Variants in FMNL2 observed in about 807,000 individuals in gnomAD.
The protein encoded by FMNL2 is formin-like protein 2.
Under a neutral mutation model 130.2 loss-of-function variants are expected in FMNL2, and 51 were observed. The ratio of observed to expected loss-of-function variants is 0.39; its 90% CI spans 0.31 to 0.49. The LOEUF (loss-of-function observed/expected upper bound fraction) is 0.49. FMNL2 is among the 20% of genes least tolerant of loss of function. The pLI, the probability that FMNL2 is intolerant of heterozygous loss-of-function variation, is 0.85. For synonymous variants in FMNL2, 465 were observed against 467.1 expected, an observed-to-expected ratio of 1.00 and a Z score of 0.06; for missense variants, 977 against 1,316.2, an observed-to-expected ratio of 0.74 and a Z score of 3.99.
intron 1 of FMNL2, among the ~76,000 whole-genome samples, chr2:152,385,549 G>A (rs1048894421): frequency 6.6e-6 from 1 of 152,328 alleles, no homozygotes; most frequent in Admixed American, 6.5e-5. Context: ...TCGACCAGAT[G>A]GTCATATAAT....
chr2:152,347,085 C>T (rs1209463232), intron 1 of FMNL2, among the ~76,000 whole-genome samples: 8 of 93,152 alleles, frequency 8.6e-5, no homozygotes, highest in East Asian at 3.3e-4. Flanking sequence ...GGCGATATTC[C>T]GTCTCAAAAA....
At chr2:152,443,767 C>T (rs980575450) in intron 1 of FMNL2, among the ~76,000 whole-genome samples, 2 of 151,966 alleles carry the variant, frequency 1.3e-5, no homozygotes, top group Admixed American at 6.6e-5. Context: ...TGCTTGAACC[C>T]GGGAGGCAGA....
At chr2:152,587,070 A>G (rs1403291401) in intron 9 of FMNL2, among the ~76,000 whole-genome samples, 5 of 152,180 alleles carry the variant, frequency 3.3e-5, no homozygotes, top group Non-Finnish European at 4.4e-5. Flanking sequence ...TCAACCAGAG[A>G]GCCTCCATGT....
Position 152,604,941 on chromosome 2 carries a change from C to T in FMNL2, c.877-2398C>T, listed in dbSNP as rs147554415. Among the ~76,000 whole-genome samples the T allele has an allele frequency of 1.5e-4, 21 of 142,146 alleles. No homozygotes were observed. In the East Asian group the frequency reaches 4.2e-3, roughly 28 times the overall value. The allele number at this position is 142,146 out of a possible 152,430, so 93.3% of individuals were successfully genotyped here. A position where few individuals can be genotyped will look rare whatever the true frequency, so the allele number is the denominator to read the frequency against. On this transcript the variant is annotated intron_variant, in intron 9 of 25. Transcript: ENST00000288670. ...AGAAAATTCACATTGCAGTTCTGAC[C>T]TTTCGTATAAAACCTCAGGGTTTTT...
At chr2:152,389,935 A>T in intron 1 of FMNL2, 1 of 1,133,300 alleles carries the variant, frequency 8.8e-7, no homozygotes, top group Non-Finnish European at 1.3e-6. Context: ...CGGGCTGGCC[A>T]AGGAAGCCAA....
chr2:152,597,486 A>G (rs1697830883), intron 9 of FMNL2, among the ~76,000 whole-genome samples: 1 of 152,214 alleles, frequency 6.6e-6, no homozygotes, highest in Non-Finnish European at 1.5e-5. Context: ...GTATAAAATT[A>G]ATACCTTTTA....
At chr2:152,482,048 A>C (rs1690557091) in intron 1 of FMNL2, among the ~76,000 whole-genome samples, 1 of 152,290 alleles carries the variant, frequency 6.6e-6, no homozygotes, top group East Asian at 1.9e-4. Flanking sequence ...CCTCAGTCAC[A>C]CTCAGCACAG....
At chr2:152,393,367 C>T (rs191945003) in intron 1 of FMNL2, among the ~76,000 whole-genome samples, 78 of 152,240 alleles carry the variant, frequency 5.1e-4, no homozygotes, top group African/African-American at 1.6e-3. Flanking sequence ...TTAAAGATAC[C>T]ATAATAAATG....
intron 1 of FMNL2, among the ~76,000 whole-genome samples, chr2:152,465,797 G>A (rs950455825): frequency 6.6e-6 from 1 of 152,238 alleles, no homozygotes; most frequent in African/African-American, 2.4e-5. Context: ...GAGGGCACCT[G>A]TGGGCTTGCG....
chr2:152,346,763 T>C (rs764798710), intron 1 of FMNL2, among the ~76,000 whole-genome samples: 1 of 152,202 alleles, frequency 6.6e-6, no homozygotes, highest in Non-Finnish European at 1.5e-5. Context: ...TGATATTACC[T>C]GATCCTCTTT....
chr2:152,647,868 A>T lies in FMNL2; in HGVS notation c.3242A>T (p.Asn1081Ile), dbSNP rs771324067. 2.5e-6 allele frequency: 4 copies of T among 1,613,800 alleles called. No homozygotes were observed. In the Admixed American group the frequency reaches 6.7e-5, roughly 27 times the overall value. The change falls in exon 26 of 26, where the codon AAC (asparagine) becomes ATC (isoleucine). Residue 1081 changes from asparagine to isoleucine, a missense_variant. Coordinates refer to ENST00000288670, the MANE Select transcript of FMNL2 (RefSeq NM_052905.4). ...GTCAGGCGGCGCTTTGATGATCAGAACTTGCGTTCTGTTAATGGTGCCGAA... is the reference window on the plus strand; with the variant it reads ...GTCAGGCGGCGCTTTGATGATCAGATCTTGCGTTCTGTTAATGGTGCCGAA... The part of the protein sequence containing the change: ...RSVRRRFDDQ[N>I]LRSVNGAEIT...
chr2:152,418,788 A>AAAC (rs1686753003), intron 1 of FMNL2, among the ~76,000 whole-genome samples: 1 of 152,070 alleles, frequency 6.6e-6, no homozygotes, highest in African/African-American at 2.4e-5. Context: ...GTATCTGTTT[A>AAAC]AGTTTCTGCT....
chr2:152,373,184 G>T (rs1452374419), intron 1 of FMNL2, among the ~76,000 whole-genome samples: 4 of 152,276 alleles, frequency 2.6e-5, no homozygotes, highest in South Asian at 4.1e-4. Context: ...TCTTATAAAT[G>T]ATATGAAATA....
At chr2:152,341,586 T>C (rs556336830) in intron 1 of FMNL2, among the ~76,000 whole-genome samples, 1 of 152,374 alleles carries the variant, frequency 6.6e-6, no homozygotes, top group East Asian at 1.9e-4. Flanking sequence ...CTCTTTCCTC[T>C]GGCCCTTGGT....
chr2:152,637,144 G>A (rs1219501234), intron 22 of FMNL2, among the ~76,000 whole-genome samples: 1 of 152,210 alleles, frequency 6.6e-6, no homozygotes, highest in African/African-American at 2.4e-5. Context: ...CCCTGTGTGA[G>A]GCTGTCATAG....
chr2:152,522,321 C>T (rs1406632444), intron 2 of FMNL2, among the ~76,000 whole-genome samples: 1 of 152,176 alleles, frequency 6.6e-6, no homozygotes, highest in African/African-American at 2.4e-5. Context: ...TCGTAAAGTA[C>T]ATAGAATAAT....
At chr2:152,611,067 G>A (rs942160935) in intron 10 of FMNL2, among the ~76,000 whole-genome samples, 4 of 152,206 alleles carry the variant, frequency 2.6e-5, no homozygotes, top group South Asian at 2.1e-4. Flanking sequence ...GAGGCCGGGC[G>A]CAGTGGGTCA....
intron 1 of FMNL2, among the ~76,000 whole-genome samples, chr2:152,387,841 G>A (rs7602505): frequency 0.43 from 65,318 of 150,506 alleles, 14,942 homozygotes; most frequent in African/African-American, 0.58. Context: ...TTTTGTAGAG[G>A]TGGTGTCTCA....
intron 1 of FMNL2, among the ~76,000 whole-genome samples, chr2:152,398,724 G>A (rs573045857): frequency 6.6e-6 from 1 of 152,282 alleles, no homozygotes; most frequent in South Asian, 2.1e-4. Context: ...TATTGATAAA[G>A]AAATAGTATA....
Sources: gnomAD v4.1 joint callset for allele counts (sites outside exome capture counted in the v4.1 genomes callset) on GRCh38, gnomAD v4.1.1 for gene constraint, MANE v1.5 for transcripts, NCBI Gene and HGNC (gene_info 2026-07-23, HGNC 2026-07-21) for gene names.